Variants in THSD7A observed in about 807,000 individuals in gnomAD.
THSD7A encodes the protein thrombospondin type 1 domain containing 7A.
Under a neutral mutation model 231.3 loss-of-function variants are expected in THSD7A, and 96 were observed. The observed-to-expected ratio is 0.41, with a 90% confidence interval of 0.35 to 0.49. The LOEUF (loss-of-function observed/expected upper bound fraction) is 0.49, where lower values mean the gene tolerates loss of function less well. THSD7A is among the 20% of genes least tolerant of loss of function. THSD7A has a pLI of 0.05. For missense variants in THSD7A, 2,290 were observed against 2,070.2 expected (o/e 1.11, Z -2.06); for synonymous variants, 940 against 743.3 (o/e 1.26, Z -4.30).
chr7:11,580,422 C>T (rs1478099702), intron 4 of THSD7A, among the ~76,000 whole-genome samples: 1 of 152,102 alleles, frequency 6.6e-6, no homozygotes, highest in Non-Finnish European at 1.5e-5. Context: ...CTATGTCAGC[C>T]TTGTGAAGGG....
intron 1 of THSD7A, among the ~76,000 whole-genome samples, chr7:11,776,228 A>T (rs1438345021): frequency 2.0e-5 from 3 of 152,286 alleles, no homozygotes; most frequent in Middle Eastern, 3.4e-3. Flanking sequence ...GTTAGGACAT[A>T]TGTTTCATTT....
rs937370704 is a variant in THSD7A at position 11,446,733 on chromosome 7, A to G, written c.2801-409T>C. 2.0e-5 allele frequency among the ~76,000 whole-genome samples: 3 copies of G among 152,118 alleles called. No individual in the cohort carries two copies. The highest frequency in any genetic ancestry group is 6.6e-5 in the Admixed American group (1 of 15,258). On this transcript the variant is annotated intron_variant, in intron 12 of 27. Coordinates refer to ENST00000423059, the MANE Select transcript of THSD7A (RefSeq NM_015204.3). The surrounding 1 kb of genome is among the most constrained non-coding windows in gnomAD (Gnocchi z 4.0). ...TGCTTTTGCCATTGGCAATATTTCA[A>G]ATGCACCAAGCTTTAGTTCAGAGTG...
chr7:11,374,372 TCTC>T lies in THSD7A; in HGVS notation c.*1419_*1421del, dbSNP rs984322202. ...AAGTCTTGGATAAGATATTTATTCTTCTCTTTTAAAATTTTAGTTTTGAAATCA... is the reference window on the plus strand; with the variant it reads ...AAGTCTTGGATAAGATATTTATTCTTTTTTAAAATTTTAGTTTTGAAATCA... On this transcript the variant is annotated 3_prime_UTR_variant, in exon 28 of 28. Transcript: ENST00000423059. 9.9e-5 allele frequency: 15 copies of T among 152,214 alleles called. No homozygotes were observed. Among genetic ancestry groups the T allele is most frequent in the African/African-American group, 3.6e-4 (15 of 41,548 alleles). 9.4% of individuals were successfully genotyped at this position (152,214 alleles called of 1,614,324 possible). A position where few individuals can be genotyped will look rare whatever the true frequency, so the allele number is the denominator to read the frequency against.
intron 1 of THSD7A, among the ~76,000 whole-genome samples, chr7:11,778,923 A>T (rs1194389995): frequency 6.6e-6 from 1 of 152,258 alleles, no homozygotes; most frequent in Non-Finnish European, 1.5e-5. Flanking sequence ...ACTTTTACAT[A>T]CTTTATCTTA....
At position 11,637,481 on chromosome 7, in the gene THSD7A, T is replaced by C. The variant is rs559517765; in HGVS notation, c.191-520A>G. Among the ~76,000 whole-genome samples the C allele has an allele frequency of 2.8e-4, 43 of 152,320 alleles. No individual in the cohort carries two copies. The highest frequency in any genetic ancestry group is 9.4e-4 in the African/African-American group (39 of 41,580). On this transcript the variant is annotated intron_variant, in intron 1 of 27. Coordinates refer to ENST00000423059, the MANE Select transcript of THSD7A (RefSeq NM_015204.3). This position sits in a 1 kb window ranked among gnomAD's most constrained non-coding sequence, Gnocchi z 4.2. ...TATGACTGCAAGGGTCTAATAGTTGTATATCATGTGTGCCACTAGAGCTTA... is the reference window on the plus strand; with the variant it reads ...TATGACTGCAAGGGTCTAATAGTTGCATATCATGTGTGCCACTAGAGCTTA...
intron 1 of THSD7A, among the ~76,000 whole-genome samples, chr7:11,791,378 T>C (rs898107710): frequency 1.3e-5 from 2 of 151,992 alleles, no homozygotes; most frequent in African/African-American, 2.4e-5. Flanking sequence ...TACTGATAAA[T>C]GTTATCCTCC....
chr7:11,478,030 C>T (rs2128303598), intron 7 of THSD7A, among the ~76,000 whole-genome samples: 2 of 152,176 alleles, frequency 1.3e-5, no homozygotes, highest in Middle Eastern at 6.8e-3. Flanking sequence ...GTTTTCTTTC[C>T]TAACATATTT....
intron 4 of THSD7A, among the ~76,000 whole-genome samples, chr7:11,582,331 C>G (rs946623425): frequency 5.9e-5 from 9 of 151,704 alleles, no homozygotes; most frequent in African/African-American, 2.2e-4. Context: ...AATAATTATG[C>G]TTAAATGTTT....
chr7:11,479,004 G>A (rs1786314585), intron 7 of THSD7A, among the ~76,000 whole-genome samples: 1 of 152,220 alleles, frequency 6.6e-6, no homozygotes, highest in East Asian at 1.9e-4. Flanking sequence ...GCTTAAAATC[G>A]ACAGATAGAT....
chr7:11,535,672 C>T (rs1250418911), intron 6 of THSD7A, among the ~76,000 whole-genome samples: 2 of 151,858 alleles, frequency 1.3e-5, no homozygotes, highest in African/African-American at 2.4e-5. Flanking sequence ...TATGGAAAAA[C>T]GATTCAGTTA....
At chr7:11,537,278 T>C (rs1190097485) in intron 6 of THSD7A, among the ~76,000 whole-genome samples, 1 of 152,330 alleles carries the variant, frequency 6.6e-6, no homozygotes, top group African/African-American at 2.4e-5. Flanking sequence ...GGCAAGCCAG[T>C]GCCCTGGATA....
intron 6 of THSD7A, among the ~76,000 whole-genome samples, chr7:11,529,503 T>G (rs562826024): frequency 6.6e-6 from 1 of 152,162 alleles, no homozygotes; most frequent in Non-Finnish European, 1.5e-5. Context: ...GTGGGAGGTA[T>G]TTACATCATG....
chr7:11,731,267 G>C (rs1166726741), intron 1 of THSD7A, among the ~76,000 whole-genome samples: 3 of 151,268 alleles, frequency 2.0e-5, no homozygotes, highest in Non-Finnish European at 4.4e-5. Flanking sequence ...ATAATCATAA[G>C]CTTTTTCTCT....
intron 23 of THSD7A, among the ~76,000 whole-genome samples, chr7:11,393,710 G>A (rs748044489): frequency 1.3e-5 from 2 of 152,132 alleles, no homozygotes; most frequent in Admixed American, 6.5e-5. Context: ...CAAAAATTTC[G>A]TGAAGCATAC....
chr7:11,573,301 T>A (rs780700631), intron 4 of THSD7A, among the ~76,000 whole-genome samples: 1 of 152,204 alleles, frequency 6.6e-6, no homozygotes, highest in Non-Finnish European at 1.5e-5. Flanking sequence ...TCATGGTGTA[T>A]CCACACTGAG....
chr7:11,472,272 T>G (rs982983202), intron 8 of THSD7A, among the ~76,000 whole-genome samples: 9 of 152,078 alleles, frequency 5.9e-5, no homozygotes, highest in Non-Finnish European at 1.3e-4. Context: ...TTATTCAAGG[T>G]CAAATTAAAC....
chr7:11,510,040 C>T (rs1787738910), intron 6 of THSD7A, among the ~76,000 whole-genome samples: 1 of 152,014 alleles, frequency 6.6e-6, no homozygotes, highest in Non-Finnish European at 1.5e-5. Context: ...AATCCCACTA[C>T]TGGGTATCTA....
intron 6 of THSD7A, among the ~76,000 whole-genome samples, chr7:11,497,263 G>T (rs1787140765): frequency 1.3e-5 from 2 of 152,126 alleles, no homozygotes; most frequent in African/African-American, 4.8e-5. Context: ...CTCTCAGCAG[G>T]TCCCTTTCAC....
chr7:11,458,821 A>G (rs1209450858), intron 11 of THSD7A, among the ~76,000 whole-genome samples: 1 of 152,218 alleles, frequency 6.6e-6, no homozygotes, highest in African/African-American at 2.4e-5. Flanking sequence ...TAGTTTTTGT[A>G]CAGATTGTGT....
Sources: gnomAD v4.1 joint callset for allele counts (sites outside exome capture counted in the v4.1 genomes callset) on GRCh38, gnomAD v4.1.1 for gene constraint, Gnocchi (gnomAD v3.1) non-coding constraint, MANE v1.5 for transcripts, NCBI Gene and HGNC (gene_info 2026-07-23, HGNC 2026-07-21) for gene names.